The following LEMD3 variants were observed in gnomAD, a reference collection of about 807,000 sequenced individuals.
LEMD3 encodes inner nuclear membrane protein Man1.
A neutral mutation model predicts 95.2 loss-of-function variants in LEMD3; 33 were observed. That is an observed-to-expected ratio of 0.35 (90% confidence interval 0.26 to 0.46). LEMD3 has a LOEUF of 0.46. LEMD3 is among the 20% of genes least tolerant of loss of function. LEMD3 has a pLI of 1.00. For missense variants in LEMD3, 1,210 were observed against 1,192.8 expected, an observed-to-expected ratio of 1.01 and a Z score of -0.21; for synonymous variants, 525 against 474.6, an observed-to-expected ratio of 1.11 and a Z score of -1.38.
intron 1 of LEMD3, among the ~76,000 whole-genome samples, chr12:65,205,732 A>G (rs1231798305): frequency 6.6e-6 from 1 of 152,056 alleles, no homozygotes. Flanking sequence ...CTAGGTTTGT[A>G]TCTCGAAATT....
chr12:65,218,665 A>G lies in LEMD3; in HGVS notation c.1695+46A>G, dbSNP rs776762497. 12 of 1,055,448 alleles carry G rather than the reference A, an allele frequency of 1.1e-5. No individual in the cohort carries two copies. The African/African-American group carries it at 1.3e-4, about 11-fold the overall frequency. 65.4% of individuals were successfully genotyped at this position (1,055,448 alleles called of 1,614,324 possible). A position where few individuals can be genotyped will look rare whatever the true frequency, so the allele number is the denominator to read the frequency against. On this transcript the variant is annotated intron_variant, in intron 4 of 12. Transcript: ENST00000308330. ...TTTAATAGCTATATTTTAAAAAATTATATAAATCATTGCTACTTGTAAGAA... is the reference window on the plus strand; with the variant it reads ...TTTAATAGCTATATTTTAAAAAATTGTATAAATCATTGCTACTTGTAAGAA...
At chr12:65,200,999 A>T (rs554541632) in intron 1 of LEMD3, among the ~76,000 whole-genome samples, 2 of 152,242 alleles carry the variant, frequency 1.3e-5, no homozygotes, top group South Asian at 4.1e-4. Flanking sequence ...CTGTGCCTAG[A>T]TTAATTTTTT....
In LEMD3 at chr12:65,170,618, A is replaced by T. The variant is rs767880318; in HGVS notation, c.1022A>T (p.Glu341Val). 3 of 1,614,100 alleles carry T rather than the reference A, an allele frequency of 1.9e-6. No individual in the cohort carries two copies. Among genetic ancestry groups the T allele is most frequent in the Non-Finnish European group, 2.5e-6 (3 of 1,179,990 alleles). ...SRNLEEAAAAEQGGGCDQVDS... is the reference protein window; with the variant it reads ...SRNLEEAAAAVQGGGCDQVDS... ...AACCTCGAAGAGGCGGCGGCCGCGG[A>T]GCAGGGAGGAGGGTGTGATCAAGTG... The change falls in exon 1 of 13, where the codon GAG becomes GTG. Residue 341 changes from glutamate to valine, a missense_variant. Glu to Val is a moderately radical substitution (Grantham distance 121, BLOSUM62 -2). Coordinates refer to ENST00000308330, the MANE Select transcript of LEMD3 (RefSeq NM_014319.5).
chr12:65,236,550 CAA>C lies in LEMD3; in HGVS notation c.1696-1939_1696-1938del, dbSNP rs35191700. Among the ~76,000 whole-genome samples the C allele has an allele frequency of 1.2e-3, 169 of 143,578 alleles. 1 individual carries two copies. The highest frequency in any genetic ancestry group is 7.5e-3 in the East Asian group (37 of 4,952). 94.2% of individuals were successfully genotyped at this position (143,578 alleles called of 152,430 possible). ...TGGGTGACAGAGCAAGACTCTGTCTCAAAAAAAAAAAAAATTCATTTTTTGCT... is the reference window on the plus strand; with the variant it reads ...TGGGTGACAGAGCAAGACTCTGTCTCAAAAAAAAAAAATTCATTTTTTGCT... On this transcript the variant is annotated intron_variant, in intron 4 of 12. Transcript: ENST00000308330.
chr12:65,194,091 G>A (rs796917523), intron 1 of LEMD3, among the ~76,000 whole-genome samples: 16 of 152,130 alleles, frequency 1.1e-4, no homozygotes, highest in African/African-American at 3.6e-4. Context: ...AAAACATTTT[G>A]GGTTAGTTCC....
chr12:65,233,016 A>G (rs967503488), intron 4 of LEMD3, among the ~76,000 whole-genome samples: 4 of 152,062 alleles, frequency 2.6e-5, no homozygotes, highest in Admixed American at 6.6e-5. Context: ...AAGTGGAGTG[A>G]GGGGGAAATT....
At chr12:65,171,806 T>G (rs1445263881) in intron 1 of LEMD3, 2 of 153,118 alleles carry the variant, frequency 1.3e-5, no homozygotes, top group African/African-American at 4.8e-5. Context: ...TGTAGGCAGG[T>G]GTGTTCATTG....
Position 65,247,327 on chromosome 12 carries a change from G to A in LEMD3, c.*1002G>A, listed in dbSNP as rs1233232675. ...CATGACATAGTACCATTGGGGTTAA[G>A]TCATTTTCCCAATCTATTTATAATT... On this transcript the variant is annotated 3_prime_UTR_variant, in exon 13 of 13. Coordinates refer to ENST00000308330, the MANE Select transcript of LEMD3 (RefSeq NM_014319.5). The A allele has an allele frequency of 6.6e-6, 1 of 152,464 alleles. No individual in the cohort carries two copies. The highest frequency in any genetic ancestry group is 6.6e-5 in the Admixed American group (1 of 15,262). The allele number at this position is 152,464 out of a possible 1,614,324, so 9.4% of individuals were successfully genotyped here. A position where few individuals can be genotyped will look rare whatever the true frequency, so the allele number is the denominator to read the frequency against.
intron 4 of LEMD3, among the ~76,000 whole-genome samples, chr12:65,222,726 T>A (rs183349314): frequency 3.4e-4 from 51 of 152,206 alleles, no homozygotes; most frequent in African/African-American, 1.2e-3. Flanking sequence ...TTCTTTGAGA[T>A]GTAAAGTTAG....
At position 65,238,468 on chromosome 12, in the gene LEMD3, A is replaced by G. The variant is rs984743709; in HGVS notation, c.1696-34A>G. ...CTTTACAGAGAGTCGAATGTAGATT[A>G]AGAATAGTTATTTTTCTCTATTTTT... is the stretch of plus-strand genomic sequence containing the variant. On this transcript the variant is annotated intron_variant, in intron 4 of 12. Transcript: ENST00000308330. 3.7e-6 allele frequency: 5 copies of G among 1,334,212 alleles called. No individual in the cohort carries two copies. In the Admixed American group the frequency reaches 8.4e-5, roughly 22 times the overall value. The allele number at this position is 1,334,212 out of a possible 1,614,324, so 82.6% of individuals were successfully genotyped here.
chr12:65,183,707 G>T (rs1369128289), intron 1 of LEMD3, among the ~76,000 whole-genome samples: 1 of 152,168 alleles, frequency 6.6e-6, no homozygotes, highest in African/African-American at 2.4e-5. Context: ...TGCCACTAGC[G>T]TTTGGGCAGG....
chr12:65,170,178 C>T lies in LEMD3; in HGVS notation c.582C>T (p.His194=). ...ACTCTGCAGAGCGAAGGAAGCCCCA[C>T]TCGTGGTGGGGGGCCAGGAGGCCGG... is the stretch of plus-strand genomic sequence containing the variant. ...NSNSAERRKP[H]SWWGARRPAG... is the part of the protein sequence containing the mutation. Residue 194 remains histidine (H), a synonymous_variant, in exon 1 of 13, where the codon CAC becomes CAT. Coordinates refer to ENST00000308330, the MANE Select transcript of LEMD3 (RefSeq NM_014319.5). 1 of 1,498,146 alleles carries T rather than the reference C, an allele frequency of 6.7e-7. No individual in the cohort carries two copies. Among genetic ancestry groups the T allele is most frequent in the Admixed American group, 2.5e-5 (1 of 39,466 alleles). The allele number at this position is 1,498,146 out of a possible 1,614,324, so 92.8% of individuals were successfully genotyped here.
At position 65,218,548 on chromosome 12, in the gene LEMD3, C is replaced by A. The variant is rs1870179327; in HGVS notation, c.1628-4C>A. 1.4e-5 allele frequency: 22 copies of A among 1,591,940 alleles called. No homozygotes were observed. The highest frequency in any genetic ancestry group is 1.9e-5 in the Non-Finnish European group (22 of 1,162,540). ...CAAAATTAATAATATGCTAATCTTT[C>A]CAGGAGATCATGAATGTGGCAGTTC... On this transcript the variant is annotated splice_polypyrimidine_tract_variant and splice_region_variant and intron_variant, in intron 3 of 12. Coordinates refer to ENST00000308330, the MANE Select transcript of LEMD3 (RefSeq NM_014319.5).
intron 4 of LEMD3, among the ~76,000 whole-genome samples, chr12:65,236,598 A>G (rs1365682471): frequency 1.3e-5 from 2 of 152,066 alleles, no homozygotes; most frequent in Non-Finnish European, 2.9e-5. Flanking sequence ...ATAAAGACAT[A>G]CTAATAATAC....
intron 6 of LEMD3, among the ~76,000 whole-genome samples, chr12:65,239,681 A>T (rs565986093): frequency 6.6e-6 from 1 of 152,240 alleles, no homozygotes; most frequent in African/African-American, 2.4e-5. Flanking sequence ...TTATATATAT[A>T]TATTTTTAAA....
intron 4 of LEMD3, among the ~76,000 whole-genome samples, chr12:65,221,707 C>T (rs553881649): frequency 6.7e-6 from 1 of 148,592 alleles, no homozygotes; most frequent in African/African-American, 2.5e-5. Context: ...CCACCCTGGC[C>T]TTCTTCCTGA....
rs1870419757 is a variant in LEMD3, at chr12:65,225,513, A to G, written c.1695+6894A>G. Among the ~76,000 whole-genome samples, 6 of 152,152 alleles carry G rather than the reference A, an allele frequency of 3.9e-5. No homozygotes were observed. In the South Asian group the frequency reaches 1.2e-3, roughly 32 times the overall value. On this transcript the variant is annotated intron_variant, in intron 4 of 12. Coordinates refer to ENST00000308330, the MANE Select transcript of LEMD3 (RefSeq NM_014319.5). The stretch of plus-strand genomic sequence containing the variant: ...TTTTCTCATAGTTTATAATCTTTTG[A>G]TCCCTGGTATCTGTAGGTTATCCCT...
chr12:65,216,200 CAT>C (rs557700901), intron 3 of LEMD3, among the ~76,000 whole-genome samples, 157 bp downstream of exon 3: 2 of 151,480 alleles, frequency 1.3e-5, no homozygotes, highest in Non-Finnish European at 2.9e-5. Context: ...TTGATTTTTA[CAT>C]ATGTATTTAA....
intron 1 of LEMD3, among the ~76,000 whole-genome samples, chr12:65,210,648 G>A (rs1261112074): frequency 2.6e-5 from 4 of 152,184 alleles, no homozygotes; most frequent in African/African-American, 9.6e-5. Context: ...TTACTAATAA[G>A]TGGTAGAGGT....
Sources: allele counts gnomAD v4.1 joint callset (sites outside exome capture counted in the v4.1 genomes callset), GRCh38; gene constraint gnomAD v4.1.1; transcripts MANE v1.5; gene names NCBI Gene and HGNC (gene_info 2026-07-23, HGNC 2026-07-21).